ZNF420: variants seen among roughly 807,000 people sequenced by gnomAD.
The protein encoded by ZNF420 is zinc finger protein 420, also known as ATM and p53-associated KZNF protein.
A neutral mutation model predicts 44.7 loss-of-function variants in ZNF420; 31 were observed. That is an observed-to-expected ratio of 0.69 (90% confidence interval 0.52 to 0.94). The LOEUF is 0.94. Ranked by LOEUF, ZNF420 falls within the 40% of genes least tolerant of loss-of-function variation. The pLI, the probability that ZNF420 is intolerant of heterozygous loss-of-function variation, is 0.00. For missense variants in ZNF420, 681 were observed against 827.9 expected (o/e 0.82, Z 2.18); for synonymous variants, 245 against 267.4 (o/e 0.92, Z 0.82).
intron 1 of ZNF420, among the ~76,000 whole-genome samples, chr19:37,013,880 C>A (rs1380225810): frequency 6.6e-6 from 1 of 152,180 alleles, no homozygotes; most frequent in Admixed American, 6.5e-5. Flanking sequence ...TGCGACCACA[C>A]GTGGCACTGG....
chr19:37,118,746 A>G (rs1289594078), intron 4 of ZNF420, among the ~76,000 whole-genome samples: 1 of 151,836 alleles, frequency 6.6e-6, no homozygotes, highest in Non-Finnish European at 1.5e-5. Context: ...AGAGACACAC[A>G]TAGGCTCAAA....
intron 1 of ZNF420, among the ~76,000 whole-genome samples, chr19:37,048,356 T>A (rs1024259540): frequency 3.3e-5 from 5 of 152,242 alleles, no homozygotes; most frequent in African/African-American, 9.6e-5. Context: ...TCTTAATGAA[T>A]TGATTCTAAA....
At chr19:37,032,481 G>A (rs1172054628) in intron 1 of ZNF420, among the ~76,000 whole-genome samples, 1 of 145,568 alleles carries the variant, frequency 6.9e-6, no homozygotes, top group East Asian at 2.0e-4. Flanking sequence ...TCCAGCCTGC[G>A]CAGCAGAGTG....
intron 2 of ZNF420, among the ~76,000 whole-genome samples, chr19:37,087,532 C>T (rs1968886001): frequency 6.6e-6 from 1 of 152,078 alleles, no homozygotes; most frequent in Non-Finnish European, 1.5e-5. Context: ...GTATTGAGCA[C>T]CTGTATCAAT....
intron 1 of ZNF420, among the ~76,000 whole-genome samples, chr19:37,026,255 T>C (rs1048308937): frequency 6.6e-6 from 1 of 151,314 alleles, no homozygotes; most frequent in Non-Finnish European, 1.5e-5. Context: ...CCTCCTGGGC[T>C]CAAGTGATTC....
chr19:37,015,761 A>C (rs1202399603), intron 1 of ZNF420, among the ~76,000 whole-genome samples: 1 of 152,176 alleles, frequency 6.6e-6, no homozygotes, highest in African/African-American at 2.4e-5. Flanking sequence ...GTGCTGGTGG[A>C]AGAAGACATG....
chr19:37,127,820 A>C lies in ZNF420; in HGVS notation c.829A>C (p.Lys277Gln). 1 of 1,613,862 alleles carries C rather than the reference A, an allele frequency of 6.2e-7. No homozygotes were observed. The highest frequency in any genetic ancestry group is 8.5e-7 in the Non-Finnish European group (1 of 1,179,924). ...ACACCAGAGACTTCATACTGGTGAA[A>C]AGCTCTATGAATGTAAAGAATGTAG... Reference protein sequence around the residue: ...TLHQRLHTGEKLYECKECRKV... With the variant: ...TLHQRLHTGEQLYECKECRKV... The change falls in exon 5 of 5, where the codon AAG becomes CAG. Residue 277 changes from lysine to glutamine, a missense_variant. Transcript: ENST00000337995.
intron 1 of ZNF420, among the ~76,000 whole-genome samples, chr19:37,021,459 G>A (rs1049163808): frequency 6.6e-6 from 1 of 151,964 alleles, no homozygotes; most frequent in South Asian, 2.1e-4. Flanking sequence ...TAGAGATGGG[G>A]TGTCTCCATG....
chr19:37,046,650 C>G (rs2146417520), intron 1 of ZNF420, among the ~76,000 whole-genome samples: 1 of 152,282 alleles, frequency 6.6e-6, no homozygotes, highest in Admixed American at 6.5e-5. Flanking sequence ...ATGTTAGGAT[C>G]AGAACCTAGT....
chr19:37,031,123 G>C (rs1371081059), intron 1 of ZNF420, among the ~76,000 whole-genome samples: 1 of 152,134 alleles, frequency 6.6e-6, no homozygotes, highest in Non-Finnish European at 1.5e-5. Context: ...CCAAAGTGCT[G>C]AGATTACAGG....
intron 1 of ZNF420, among the ~76,000 whole-genome samples, chr19:37,012,886 CGT>C (rs1209636999): frequency 1.3e-5 from 2 of 149,078 alleles, no homozygotes; most frequent in Non-Finnish European, 3.0e-5. Context: ...CGCCCGTTTG[CGT>C]GTGTGTGTGT....
At chr19:37,052,613 T>A (rs1967659658) in intron 1 of ZNF420, among the ~76,000 whole-genome samples, 4 of 152,180 alleles carry the variant, frequency 2.6e-5, no homozygotes, top group Admixed American at 1.3e-4. Flanking sequence ...TTTCTCCTTC[T>A]CTTATGAAGT....
chr19:37,034,683 T>C (rs1160486764), intron 1 of ZNF420, among the ~76,000 whole-genome samples: 1 of 152,158 alleles, frequency 6.6e-6, no homozygotes, highest in Non-Finnish European at 1.5e-5. Flanking sequence ...AATTGCAAAA[T>C]TGGCATGGAG....
chr19:37,125,101 G>A (rs1056834870), intron 4 of ZNF420, among the ~76,000 whole-genome samples: 5 of 152,136 alleles, frequency 3.3e-5, no homozygotes, highest in African/African-American at 9.7e-5. Flanking sequence ...GCCTCCCAAA[G>A]TGCTGGGATT....
intron 4 of ZNF420, among the ~76,000 whole-genome samples, chr19:37,117,360 G>A (rs915830810): frequency 9.2e-5 from 14 of 152,138 alleles, no homozygotes; most frequent in African/African-American, 3.4e-4. Flanking sequence ...CAGGCAAACA[G>A]GGTCTGGAGT....
chr19:37,096,568 T>C (rs1969466652), intron 4 of ZNF420, among the ~76,000 whole-genome samples: 1 of 152,202 alleles, frequency 6.6e-6, no homozygotes. Context: ...AAAGGTCTTG[T>C]CTGTTCAGTT....
At chr19:37,060,715 G>T (rs1967861784) in intron 1 of ZNF420, among the ~76,000 whole-genome samples, 1 of 152,038 alleles carries the variant, frequency 6.6e-6, no homozygotes, top group Admixed American at 6.6e-5. Context: ...GTGTGGGGGG[G>T]ATTGCCTAGA....
chr19:37,101,461 C>T lies in ZNF420; in HGVS notation c.136+10340C>T, dbSNP rs919410858. Among the ~76,000 whole-genome samples the T allele has an allele frequency of 1.6e-4, 25 of 152,214 alleles. 1 individual carries two copies. Among genetic ancestry groups the T allele is most frequent in the Admixed American group, 1.5e-3 (23 of 15,282 alleles). Reference sequence around the variant, plus strand: ...AGTGAGCTGAGATCATGCCACTGCACTCCAGCCTGGGCAGCAGAGCAAGAC... The same window carrying T: ...AGTGAGCTGAGATCATGCCACTGCATTCCAGCCTGGGCAGCAGAGCAAGAC... On this transcript the variant is annotated intron_variant, in intron 4 of 4. Transcript: ENST00000337995.
intron 1 of ZNF420, among the ~76,000 whole-genome samples, chr19:37,022,368 T>C (rs938798625): frequency 5.3e-5 from 8 of 152,168 alleles, no homozygotes; most frequent in Non-Finnish European, 1.5e-5. Context: ...ATATAAATTA[T>C]TATTTTCACA....
Sources: gnomAD v4.1 joint callset for allele counts (sites outside exome capture counted in the v4.1 genomes callset) on GRCh38, gnomAD v4.1.1 for gene constraint, MANE v1.5 for transcripts, NCBI Gene and HGNC (gene_info 2026-07-23, HGNC 2026-07-21) for gene names.